INVS: variants seen among roughly 807,000 people sequenced by gnomAD.
The protein encoded by INVS is inversion of embryo turning homolog.
INVS carries 86 observed loss-of-function variants against 108.8 expected under a neutral mutation model. That is an observed-to-expected ratio of 0.79 (90% confidence interval 0.66 to 0.95). INVS has a LOEUF of 0.95. INVS is among the 40% of genes least tolerant of loss of function. INVS has a pLI of 0.00. For synonymous variants in INVS, 455 were observed against 473.5 expected, an observed-to-expected ratio of 0.96 and a Z score of 0.51; for missense variants, 1,169 against 1,297.4, an observed-to-expected ratio of 0.90 and a Z score of 1.52.
At chr9:100,102,811 C>T (rs547223083) in intron 1 of INVS, 1 of 152,350 alleles carries the variant, frequency 6.6e-6, no homozygotes, top group South Asian at 2.1e-4. Context: ...TGCCCTCCAG[C>T]CTAGGTAACA....
chr9:100,245,358 C>T (rs1011222878), intron 7 of INVS, among the ~76,000 whole-genome samples: 4 of 152,188 alleles, frequency 2.6e-5, no homozygotes, highest in African/African-American at 9.7e-5. Flanking sequence ...CGGCTCACTG[C>T]AACCTCCGTC....
intron 13 of INVS, among the ~76,000 whole-genome samples, chr9:100,290,371 CAG>C (rs1290656117): frequency 5.3e-5 from 8 of 152,144 alleles, no homozygotes; most frequent in African/African-American, 4.8e-5. Context: ...TTCTTTGAGA[CAG>C]AGTTTCGCTC....
intron 3 of INVS, among the ~76,000 whole-genome samples, chr9:100,133,808 C>T (rs1828132000): frequency 6.7e-6 from 1 of 149,894 alleles, no homozygotes; most frequent in Non-Finnish European, 1.5e-5. Flanking sequence ...CACACACATA[C>T]ACACATCCCT....
intron 3 of INVS, among the ~76,000 whole-genome samples, chr9:100,188,337 A>G (rs1830116492): frequency 6.6e-6 from 1 of 152,112 alleles, no homozygotes; most frequent in Admixed American, 6.6e-5. Context: ...TTCCTTCTAT[A>G]CTTAGACGGA....
intron 10 of INVS, among the ~76,000 whole-genome samples, chr9:100,254,730 T>A (rs1832357841): frequency 6.6e-6 from 1 of 152,160 alleles, no homozygotes; most frequent in Non-Finnish European, 1.5e-5. Context: ...TGATTGTAGA[T>A]GTGTGGTATT....
chr9:100,157,763 A>G (rs1033481223), intron 3 of INVS, among the ~76,000 whole-genome samples: 1 of 152,172 alleles, frequency 6.6e-6, no homozygotes, highest in Non-Finnish European at 1.5e-5. Context: ...CAATTCCTGC[A>G]GTTCCTTACA....
At chr9:100,230,807 G>A (rs541979705) in intron 5 of INVS, among the ~76,000 whole-genome samples, 2 of 152,292 alleles carry the variant, frequency 1.3e-5, no homozygotes, top group East Asian at 3.9e-4. Flanking sequence ...GTGAGCCAAC[G>A]TGTCCGACCA....
intron 12 of INVS, among the ~76,000 whole-genome samples, chr9:100,279,955 G>A (rs1229311245): frequency 1.3e-5 from 2 of 152,160 alleles, no homozygotes; most frequent in Non-Finnish European, 2.9e-5. Context: ...GGCCAGAGTC[G>A]AGAGTTTGCC....
chr9:100,195,782 C>T (rs955556337), intron 3 of INVS, among the ~76,000 whole-genome samples: 1 of 152,240 alleles, frequency 6.6e-6, no homozygotes, highest in Non-Finnish European at 1.5e-5. Flanking sequence ...GCCACCACAC[C>T]TGGCCACATC....
At chr9:100,274,646 AGG>A (rs2118679335) in intron 12 of INVS, among the ~76,000 whole-genome samples, 1 of 152,320 alleles carries the variant, frequency 6.6e-6, no homozygotes, top group Non-Finnish European at 1.5e-5. Context: ...CTGAGATTAC[AGG>A]CTTGTGCCAC....
intron 1 of INVS, among the ~76,000 whole-genome samples, chr9:100,099,853 G>A (rs1564110584): frequency 6.6e-6 from 1 of 152,150 alleles, no homozygotes. Flanking sequence ...GAGCCCACGC[G>A]ATCTCTGCTT....
intron 7 of INVS, among the ~76,000 whole-genome samples, chr9:100,246,376 G>C (rs1832048304): frequency 6.6e-6 from 1 of 152,130 alleles, no homozygotes; most frequent in African/African-American, 2.4e-5. Flanking sequence ...TGTTGAATGG[G>C]AGAGTTAGGT....
chr9:100,122,676 C>T (rs1489350915), intron 2 of INVS, among the ~76,000 whole-genome samples: 10 of 149,580 alleles, frequency 6.7e-5, no homozygotes, highest in African/African-American at 2.0e-4. Flanking sequence ...CTCCGTCTCC[C>T]GGGTTCACGC....
At chr9:100,224,078 A>C (rs73491446) in intron 3 of INVS, among the ~76,000 whole-genome samples, 4,748 of 152,282 alleles carry the variant, frequency 0.031, 236 homozygotes, top group African/African-American at 0.11. Context: ...AAAATCTCAT[A>C]ATGTTTTAAG....
chr9:100,147,707 A>G (rs919075671), intron 3 of INVS, among the ~76,000 whole-genome samples: 2 of 152,196 alleles, frequency 1.3e-5, no homozygotes, highest in African/African-American at 4.8e-5. Context: ...AATGCCCATC[A>G]AAAGGAATCT....
At chr9:100,101,912 T>C (rs1827006917) in intron 1 of INVS, 1 of 152,150 alleles carries the variant, frequency 6.6e-6, no homozygotes, top group Non-Finnish European at 1.5e-5. Context: ...CATTCAGCTT[T>C]GGAACTTTGA....
intron 3 of INVS, among the ~76,000 whole-genome samples, chr9:100,199,839 T>C (rs970309043): frequency 6.6e-6 from 1 of 152,196 alleles, no homozygotes; most frequent in African/African-American, 2.4e-5. Flanking sequence ...GTTTCTTGGA[T>C]ATAAAAGTTG....
At position 100,297,917 on chromosome 9, in the gene INVS, A is replaced by T; in HGVS notation, c.3017-19A>T. 6.2e-7 allele frequency: 1 copy of T among 1,613,974 alleles called. No homozygotes were observed. Among genetic ancestry groups the T allele is most frequent in the Non-Finnish European group, 8.5e-7 (1 of 1,179,814 alleles). On this transcript the variant is annotated intron_variant, in intron 15 of 16. Transcript: ENST00000262457. ...GTATCCCTGGCCAAAGAAAAGTAAC[A>T]GTTGTTGGTTCATTTCAGGTTGTTC...
intron 3 of INVS, among the ~76,000 whole-genome samples, chr9:100,143,933 G>A (rs969081938): frequency 3.9e-5 from 6 of 152,136 alleles, no homozygotes; most frequent in African/African-American, 9.7e-5. Flanking sequence ...GGGGGCTTCC[G>A]AGGCGATCGG....
Sources: gnomAD v4.1 joint callset for allele counts (sites outside exome capture counted in the v4.1 genomes callset) on GRCh38, gnomAD v4.1.1 for gene constraint, MANE v1.5 for transcripts, NCBI Gene and HGNC (gene_info 2026-07-23, HGNC 2026-07-21) for gene names.